Variants in OCA2 observed in about 807,000 individuals in gnomAD.
OCA2 encodes OCA2 melanosomal transmembrane protein, also known as P protein.
Under a neutral mutation model 100.2 loss-of-function variants are expected in OCA2, and 77 were observed. The ratio of observed to expected loss-of-function variants is 0.77; its 90% CI spans 0.64 to 0.93. The LOEUF is 0.93. Among genes scored for constraint, OCA2 ranks in the 40% least tolerant of loss-of-function variants. The pLI is 0.00. For synonymous variants in OCA2, 432 were observed against 439.2 expected, an observed-to-expected ratio of 0.98 and a Z score of 0.21; for missense variants, 1,062 against 1,089.1, an observed-to-expected ratio of 0.98 and a Z score of 0.35.
chr15:27,982,681 AAC>A (rs1161316293), intron 14 of OCA2, among the ~76,000 whole-genome samples: 1 of 152,126 alleles, frequency 6.6e-6, no homozygotes, highest in Non-Finnish European at 1.5e-5. Context: ...CACACACACA[AAC>A]ACATCATCTA....
chr15:28,038,042 C>T (rs1166304311), intron 2 of OCA2, among the ~76,000 whole-genome samples: 1 of 152,156 alleles, frequency 6.6e-6, no homozygotes. Context: ...CTCCTCCCTT[C>T]GCTATTTCTC....
chr15:28,031,920 A>G (rs2042916364), intron 3 of OCA2, 145 bp downstream of exon 3: 1 of 729,798 alleles, frequency 1.4e-6, no homozygotes, highest in Non-Finnish European at 2.5e-6. Flanking sequence ...CACCGGAATC[A>G]TGAACATCTA....
In OCA2 at chr15:27,985,181, C is replaced by G. The variant is rs750843354; in HGVS notation, c.1247G>C (p.Arg416Pro). ...FFDYCAVKAY[R>P]LSRGRVWAMI... Reference sequence around the variant, plus strand: ...GGCCCACACCCGTCCCCGGGAGAGCCGGTATGCCTGGCCACACACACACAG... The same window carrying G: ...GGCCCACACCCGTCCCCGGGAGAGCGGGTATGCCTGGCCACACACACACAG... The change falls in exon 13 of 24, where the codon CGG becomes CCG. Residue 416 changes from arginine to proline, a missense_variant. Coordinates refer to ENST00000354638, the MANE Select transcript of OCA2 (RefSeq NM_000275.3). The G allele has an allele frequency of 1.2e-6, 2 of 1,613,706 alleles. No homozygotes were observed. The highest frequency in any genetic ancestry group is 1.7e-6 in the Non-Finnish European group (2 of 1,179,964).
intron 14 of OCA2, among the ~76,000 whole-genome samples, chr15:27,982,080 A>T (rs1459984578): frequency 1.3e-5 from 2 of 149,656 alleles, no homozygotes; most frequent in East Asian, 4.2e-4. Flanking sequence ...GTTTTGTTTG[A>T]CTATCCCAGG....
At chr15:28,048,144 CCTAT>C (rs2043398665) in intron 2 of OCA2, among the ~76,000 whole-genome samples, 1 of 151,854 alleles carries the variant, frequency 6.6e-6, no homozygotes, top group South Asian at 2.1e-4. Context: ...TAAAATGCAC[CCTAT>C]GTTCATGGAT....
intron 2 of OCA2, among the ~76,000 whole-genome samples, chr15:28,064,053 A>C (rs1297316812): frequency 6.6e-6 from 1 of 152,106 alleles, no homozygotes; most frequent in Non-Finnish European, 1.5e-5. Context: ...TTTGAAGGGC[A>C]GTTTTGCCAG....
At chr15:27,995,656 C>T (rs909654455) in intron 9 of OCA2, among the ~76,000 whole-genome samples, 8 of 152,054 alleles carry the variant, frequency 5.3e-5, no homozygotes, top group East Asian at 1.9e-4. Flanking sequence ...TCCTAAAGCA[C>T]TAAGATTATA....
chr15:27,889,946 G>GTT (rs2037386954), intron 19 of OCA2, among the ~76,000 whole-genome samples: 5 of 152,216 alleles, frequency 3.3e-5, no homozygotes. Context: ...AGAGAAGATA[G>GTT]CACAGTTCTG....
chr15:27,720,888 C>T, the OCA2 span, among the ~76,000 whole-genome samples: 1 of 152,138 alleles, frequency 6.6e-6, no homozygotes. Flanking sequence ...ACCATATTTA[C>T]TTCCCAAAGA....
At chr15:27,936,203 C>T (rs1465606531) in intron 18 of OCA2, among the ~76,000 whole-genome samples, 1 of 152,230 alleles carries the variant, frequency 6.6e-6, no homozygotes, top group Non-Finnish European at 1.5e-5. Context: ...AAGCACTCAA[C>T]CTCCAGGGTG....
At chr15:27,919,861 A>G (rs1488279081) in intron 19 of OCA2, among the ~76,000 whole-genome samples, 3 of 152,180 alleles carry the variant, frequency 2.0e-5, no homozygotes, top group Non-Finnish European at 2.9e-5. Context: ...TAATGGGGGA[A>G]GCTATGCATG....
chr15:27,861,929 C>T (rs552673458), intron 21 of OCA2, among the ~76,000 whole-genome samples: 5 of 152,286 alleles, frequency 3.3e-5, no homozygotes, highest in African/African-American at 1.2e-4. Flanking sequence ...AGGCACCGGT[C>T]TTCGTTGGGA....
chr15:28,082,183 T>A (rs977196348), intron 1 of OCA2, among the ~76,000 whole-genome samples: 2 of 152,088 alleles, frequency 1.3e-5, no homozygotes, highest in Admixed American at 1.3e-4. Context: ...CAGCAATCTA[T>A]AAAATGGACC....
At chr15:28,069,711 G>A (rs1595905957) in intron 2 of OCA2, among the ~76,000 whole-genome samples, 2 of 145,628 alleles carry the variant, frequency 1.4e-5, no homozygotes, top group Admixed American at 6.7e-5. Flanking sequence ...GTGCTCAATG[G>A]TGCCCAGGCT....
intron 23 of OCA2, among the ~76,000 whole-genome samples, chr15:27,830,872 C>T (rs992144100): frequency 2.6e-5 from 4 of 152,176 alleles, no homozygotes; most frequent in African/African-American, 9.7e-5. Context: ...CTATAATTTC[C>T]CTGCTCCAAG....
intron 21 of OCA2, among the ~76,000 whole-genome samples, chr15:27,864,974 G>A (rs934541153): frequency 2.0e-5 from 3 of 151,570 alleles, no homozygotes; most frequent in Admixed American, 6.6e-5. Context: ...GGTGTGAAAG[G>A]GATTTCCCTG....
intron 15 of OCA2, among the ~76,000 whole-genome samples, chr15:27,964,713 C>A (rs946621301): frequency 3.3e-5 from 5 of 152,196 alleles, no homozygotes; most frequent in Admixed American, 1.3e-4. Context: ...CTGTACACCA[C>A]CACAGGCCTG....
chr15:27,865,586 C>G (rs1201373072), intron 21 of OCA2, among the ~76,000 whole-genome samples: 2 of 152,188 alleles, frequency 1.3e-5, no homozygotes, highest in African/African-American at 4.8e-5. Flanking sequence ...CATTCCCCAC[C>G]TGAACACTGA....
chr15:27,754,613 G>A (rs936074395), downstream of OCA2, among the ~76,000 whole-genome samples: 15 of 152,136 alleles, frequency 9.9e-5, no homozygotes, highest in Admixed American at 2.6e-4. Context: ...AATAAACACC[G>A]ACTGAGCCAC....
Sources: allele counts gnomAD v4.1 joint callset (sites outside exome capture counted in the v4.1 genomes callset), GRCh38; gene constraint gnomAD v4.1.1; transcripts MANE v1.5; gene names NCBI Gene and HGNC (gene_info 2026-07-23, HGNC 2026-07-21).